The following PXDNL variants were observed in gnomAD, a reference collection of about 807,000 sequenced individuals.
PXDNL encodes the protein peroxidasin like, also known as probable oxidoreductase PXDNL.
A neutral mutation model predicts 150.8 loss-of-function variants in PXDNL; 145 were observed. The ratio of observed to expected loss-of-function variants is 0.96; its 90% CI spans 0.84 to 1.10. The LOEUF (loss-of-function observed/expected upper bound fraction) is 1.10, where lower values mean the gene tolerates loss of function less well. PXDNL is among the 50% of genes least tolerant of loss of function. PXDNL has a pLI of 0.00. For missense variants in PXDNL, 2,087 were observed against 1,873.9 expected (o/e 1.11, Z -2.10); for synonymous variants, 757 against 725.7 (o/e 1.04, Z -0.69).
chr8:51,409,393 G>A lies in PXDNL; in HGVS notation c.2231C>T (p.Ala744Val). ...CNNLQQPTWG[A>V]ALTAFARLLQ... ...CAGGCGCGCGAAGGCGGTCAGCGCC[G>A]CGCCCCACGTGGGCTGCTGCAGGTT... Residue 744 changes from alanine (A) to valine (V), a missense_variant, in exon 17 of 23, where the codon GCG becomes GTG. Coordinates refer to ENST00000356297, the MANE Select transcript of PXDNL (RefSeq NM_144651.5). 1 of 1,606,104 alleles carries A rather than the reference G, an allele frequency of 6.2e-7. No individual in the cohort carries two copies. The highest frequency in any genetic ancestry group is 8.5e-7 in the Non-Finnish European group (1 of 1,177,216).
intron 3 of PXDNL, among the ~76,000 whole-genome samples, chr8:51,579,620 T>C (rs1479777738): frequency 3.3e-5 from 5 of 151,974 alleles, no homozygotes; most frequent in Admixed American, 3.3e-4. Flanking sequence ...AAATTTAAAT[T>C]CACCCAAAAA....
chr8:51,340,072 T>G, intron 20 of PXDNL: 1 of 167,736 alleles, frequency 6.0e-6, no homozygotes, highest in Non-Finnish European at 1.3e-5. Flanking sequence ...AGTATTTCTT[T>G]TGCTAACGAA....
At chr8:51,430,824 C>T (rs921243222) in intron 12 of PXDNL, among the ~76,000 whole-genome samples, 5 of 152,188 alleles carry the variant, frequency 3.3e-5, no homozygotes, top group African/African-American at 1.2e-4. Context: ...TTTCTTCTCA[C>T]AAAATATCTG....
At chr8:51,650,462 T>G (rs546904138) in intron 2 of PXDNL, among the ~76,000 whole-genome samples, 1 of 152,284 alleles carries the variant, frequency 6.6e-6, no homozygotes, top group South Asian at 2.1e-4. Flanking sequence ...TGATTTTGTT[T>G]TGTAGGATAA....
intron 12 of PXDNL, chr8:51,435,697 G>A (rs1809384777): frequency 3.7e-6 from 1 of 268,610 alleles, no homozygotes; most frequent in African/African-American, 2.3e-5. Flanking sequence ...CAGCTAAGCT[G>A]GGCACCACCG....
chr8:51,404,181 G>T lies in PXDNL; in HGVS notation c.3557+3886C>A, dbSNP rs936694529. On this transcript the variant is annotated intron_variant, in intron 17 of 22. Coordinates refer to ENST00000356297, the MANE Select transcript of PXDNL (RefSeq NM_144651.5). ...GCAGTGTGAACCCAAAGAGTAAGCA[G>T]CAGCAATATTTATCGCAAAGAGCGA... Among the ~76,000 whole-genome samples, 2 of 152,248 alleles carry T rather than the reference G, an allele frequency of 1.3e-5. 1 individual carries two copies. Among genetic ancestry groups the T allele is most frequent in the Middle Eastern group, 6.3e-3 (2 of 316 alleles).
At chr8:51,389,632 A>G (rs1265202178) in intron 17 of PXDNL, among the ~76,000 whole-genome samples, 2 of 152,206 alleles carry the variant, frequency 1.3e-5, no homozygotes, top group African/African-American at 4.8e-5. Flanking sequence ...AAGCACATTC[A>G]TTCCTGATTT....
intron 17 of PXDNL, among the ~76,000 whole-genome samples, chr8:51,397,641 G>GA (rs1171475012): frequency 2.0e-5 from 3 of 151,986 alleles, no homozygotes; most frequent in Non-Finnish European, 4.4e-5. Context: ...TATTACTAAA[G>GA]AAAAAATAGC....
intron 19 of PXDNL, among the ~76,000 whole-genome samples, chr8:51,370,561 T>G (rs543905227): frequency 6.6e-6 from 1 of 152,178 alleles, no homozygotes; most frequent in Non-Finnish European, 1.5e-5. Context: ...ACATTCCTTT[T>G]TGCTGTGTCC....
chr8:51,414,654 ATTAAT>A (rs1448332186), intron 14 of PXDNL, among the ~76,000 whole-genome samples: 3 of 152,146 alleles, frequency 2.0e-5, no homozygotes, highest in Non-Finnish European at 4.4e-5. Flanking sequence ...ACAAAAATTG[ATTAAT>A]TCAATTGGAT....
chr8:51,654,482 G>A (rs1815110391), intron 2 of PXDNL, among the ~76,000 whole-genome samples: 1 of 152,084 alleles, frequency 6.6e-6, no homozygotes, highest in African/African-American at 2.4e-5. Flanking sequence ...CAAATAAATT[G>A]GATAAATAAG....
At chr8:51,634,427 T>G (rs1214373665) in intron 2 of PXDNL, among the ~76,000 whole-genome samples, 1 of 152,158 alleles carries the variant, frequency 6.6e-6, no homozygotes, top group East Asian at 1.9e-4. Context: ...GCCTCTGGCT[T>G]TGCTCTTTTT....
chr8:51,591,226 T>A (rs114880323), intron 3 of PXDNL, among the ~76,000 whole-genome samples: 2,733 of 152,286 alleles, frequency 0.018, 83 homozygotes, highest in African/African-American at 0.062. Context: ...AAACTTTTTT[T>A]AAAAAAATTA....
intron 17 of PXDNL, among the ~76,000 whole-genome samples, chr8:51,386,752 G>A (rs62506863): frequency 0.03 from 4,494 of 151,850 alleles, 86 homozygotes; most frequent in Non-Finnish European, 0.044. Context: ...AGGAGGTGGA[G>A]GTTGTAGTGA....
intron 17 of PXDNL, among the ~76,000 whole-genome samples, chr8:51,386,298 G>A (rs866269741): frequency 6.6e-6 from 1 of 151,836 alleles, no homozygotes; most frequent in African/African-American, 2.4e-5. Context: ...TCACCATATC[G>A]GCCAGGCTGG....
At chr8:51,460,767 G>A (rs774582172) in intron 8 of PXDNL, among the ~76,000 whole-genome samples, 31 of 152,030 alleles carry the variant, frequency 2.0e-4, no homozygotes, top group Admixed American at 3.9e-4. Flanking sequence ...AGGATCTGCC[G>A]GAGAGAAGGC....
intron 3 of PXDNL, among the ~76,000 whole-genome samples, chr8:51,583,693 T>C (rs1355424430): frequency 6.6e-6 from 1 of 152,176 alleles, no homozygotes; most frequent in African/African-American, 2.4e-5. Context: ...AGTACTTCCA[T>C]GGTAGGTGTT....
At chr8:51,632,240 G>T (rs1418914235) in intron 2 of PXDNL, among the ~76,000 whole-genome samples, 2 of 152,122 alleles carry the variant, frequency 1.3e-5, no homozygotes, top group Non-Finnish European at 2.9e-5. Flanking sequence ...GTAGACAGAA[G>T]ATAAATAACA....
At chr8:51,476,797 T>C (rs1810488871) in intron 6 of PXDNL, among the ~76,000 whole-genome samples, 1 of 152,202 alleles carries the variant, frequency 6.6e-6, no homozygotes, top group South Asian at 2.1e-4. Flanking sequence ...AATGTGAACA[T>C]ATTTTATGAT....
Sources: gnomAD v4.1 joint callset for allele counts (sites outside exome capture counted in the v4.1 genomes callset) on GRCh38, gnomAD v4.1.1 for gene constraint, MANE v1.5 for transcripts, NCBI Gene and HGNC (gene_info 2026-07-23, HGNC 2026-07-21) for gene names.